PIK3R3: variants seen among roughly 807,000 people sequenced by gnomAD.
PIK3R3 encodes the protein phosphatidylinositol 3-kinase regulatory subunit gamma.
Under a neutral mutation model 62.9 loss-of-function variants are expected in PIK3R3, and 64 were observed. That is an observed-to-expected ratio of 1.02 (90% CI 0.83 to 1.25). The LOEUF is 1.25. PIK3R3 is among the 50% of genes most tolerant of loss of function. PIK3R3 has a pLI of 0.00. For synonymous variants in PIK3R3, 165 were observed against 189.0 expected, an observed-to-expected ratio of 0.87 and a Z score of 1.04; for missense variants, 614 against 561.6, an observed-to-expected ratio of 1.09 and a Z score of -0.94.
rs765790132 is a variant in PIK3R3, at chr1:46,055,939, C to T, written c.797G>A (p.Arg266His). 60 of 1,597,940 alleles carry T rather than the reference C, an allele frequency of 3.8e-5. No homozygotes were observed. The highest frequency in any genetic ancestry group is 1.7e-4 in the Middle Eastern group (1 of 5,996). ...IMMNYDKLKS[R>H]LGEIHDSKMR... ...TTTGCTATCATGAATCTCACCCAGA[C>T]GTGATTTCAATTTATCATAATTCAT... is the stretch of plus-strand genomic sequence containing the variant. The change falls in exon 7 of 10, where the codon CGT becomes CAT. Residue 266 changes from arginine (R) to histidine (H), a missense_variant. Coordinates refer to ENST00000262741, the MANE Select transcript of PIK3R3 (RefSeq NM_003629.4).
chr1:46,172,532 AT>A, the PIK3R3 span, among the ~76,000 whole-genome samples: 8 of 152,130 alleles, frequency 5.3e-5, no homozygotes, highest in African/African-American at 9.7e-5. Flanking sequence ...TACAAAAAAA[AT>A]GTTTTAATTA....
intron 1 of PIK3R3, among the ~76,000 whole-genome samples, chr1:46,098,356 C>T (rs1272927437): frequency 1.3e-5 from 2 of 152,138 alleles, no homozygotes; most frequent in Admixed American, 6.6e-5. Flanking sequence ...TACATGTATA[C>T]GCAACAGAAC....
intron 1 of PIK3R3, among the ~76,000 whole-genome samples, chr1:46,092,862 T>C (rs575117634): frequency 8.9e-4 from 135 of 152,282 alleles, no homozygotes; most frequent in Non-Finnish European, 1.6e-3. Flanking sequence ...TTTGCTCTCT[T>C]ATCCTCCCAC....
the PIK3R3 span, among the ~76,000 whole-genome samples, chr1:46,152,547 C>G: frequency 2.0e-5 from 3 of 150,922 alleles, no homozygotes; most frequent in Non-Finnish European, 4.4e-5. Flanking sequence ...TTGGATTGTA[C>G]GCTGATTAAC....
intron 6 of PIK3R3, 114 bp from the exon 7 acceptor site, chr1:46,056,085 C>G (rs1647881675): frequency 1.5e-6 from 1 of 645,960 alleles, no homozygotes; most frequent in African/African-American, 1.9e-5. Context: ...GAGTCTCGCT[C>G]TGTCACCCAG....
At chr1:46,146,407 T>G in the PIK3R3 span, among the ~76,000 whole-genome samples, 1 of 152,184 alleles carries the variant, frequency 6.6e-6, no homozygotes, top group South Asian at 2.1e-4. Context: ...TTGAACTTAA[T>G]AGGCAGCCAC....
chr1:46,147,386 T>G, the PIK3R3 span, among the ~76,000 whole-genome samples: 4 of 152,194 alleles, frequency 2.6e-5, no homozygotes, highest in South Asian at 8.3e-4. Flanking sequence ...ATTACAGGCG[T>G]GAGCCACCAC....
chr1:46,148,217 C>A, the PIK3R3 span, among the ~76,000 whole-genome samples: 1 of 152,160 alleles, frequency 6.6e-6, no homozygotes, highest in Non-Finnish European at 1.5e-5. Flanking sequence ...TCCATATGGT[C>A]CAGTATCACT....
chr1:46,094,068 CAA>C (rs1021764796), intron 1 of PIK3R3, among the ~76,000 whole-genome samples: 9 of 117,438 alleles, frequency 7.7e-5, no homozygotes, highest in Non-Finnish European at 9.0e-5. Flanking sequence ...GACCCTGTCT[CAA>C]AAAAAAAAAA....
chr1:46,084,219 C>T (rs372807375), intron 1 of PIK3R3, among the ~76,000 whole-genome samples: 4 of 152,120 alleles, frequency 2.6e-5, no homozygotes, highest in African/African-American at 4.8e-5. Flanking sequence ...TCTATAGAGA[C>T]GGAAAGTAAA....
chr1:46,092,306 C>T (rs543330125), intron 1 of PIK3R3, among the ~76,000 whole-genome samples: 1 of 152,304 alleles, frequency 6.6e-6, no homozygotes, highest in Non-Finnish European at 1.5e-5. Flanking sequence ...TGGTATAAAA[C>T]TAGAATAAGA....
chr1:46,130,278 A>C (rs552268572), intron 1 of PIK3R3, among the ~76,000 whole-genome samples: 2 of 152,202 alleles, frequency 1.3e-5, no homozygotes, highest in Non-Finnish European at 2.9e-5. Flanking sequence ...TTTTTACAAT[A>C]AAAGTACCAG....
chr1:46,135,074 G>C (rs1201944681), upstream of PIK3R3, among the ~76,000 whole-genome samples: 1 of 152,182 alleles, frequency 6.6e-6, no homozygotes, highest in African/African-American at 2.4e-5. Flanking sequence ...TTAAACCAGT[G>C]CCCTGCCATG....
At chr1:46,071,952 C>T (rs757468241) in intron 3 of PIK3R3, among the ~76,000 whole-genome samples, 15 of 151,794 alleles carry the variant, frequency 9.9e-5, no homozygotes, top group Non-Finnish European at 1.9e-4. Context: ...AACAGGACTA[C>T]ATCTCACAGA....
At chr1:46,093,586 A>C (rs1282446326) in intron 1 of PIK3R3, among the ~76,000 whole-genome samples, 2 of 152,084 alleles carry the variant, frequency 1.3e-5, no homozygotes, top group Admixed American at 1.3e-4. Flanking sequence ...TAAGAACATA[A>C]ATTATTATGT....
At chr1:46,060,521 A>C (rs1336891208) in intron 6 of PIK3R3, among the ~76,000 whole-genome samples, 1 of 152,240 alleles carries the variant, frequency 6.6e-6, no homozygotes, top group Non-Finnish European at 1.5e-5. Context: ...TCATTTACTG[A>C]AAGCACATCA....
intron 3 of PIK3R3, among the ~76,000 whole-genome samples, chr1:46,071,665 T>C (rs1335319720): frequency 8.0e-6 from 1 of 125,262 alleles, no homozygotes; most frequent in African/African-American, 3.1e-5. Context: ...CATTACACTC[T>C]AGCCTGAGCA....
chr1:46,145,123 C>CA, the PIK3R3 span, among the ~76,000 whole-genome samples: 2,747 of 78,462 alleles, frequency 0.035, 98 homozygotes, highest in East Asian at 0.22. Context: ...AACTCCACCT[C>CA]AAAAAAAAAA....
rs1419542820 is a variant in PIK3R3 at position 46,077,578 on chromosome 1, T to G, written c.251A>C (p.Asp84Ala). 2.5e-6 allele frequency: 4 copies of G among 1,612,068 alleles called. No individual in the cohort carries two copies. The East Asian group carries it at 6.7e-5, about 27-fold the overall frequency. The change falls in exon 3 of 10, where the codon GAT becomes GCT. Residue 84 changes from aspartate to alanine, a missense_variant. By Grantham distance (126) the Asp-to-Ala change is moderately radical (BLOSUM62 -2). Coordinates refer to ENST00000262741, the MANE Select transcript of PIK3R3 (RefSeq NM_003629.4). ...EVNDKLRDMP[D>A]GTFLVRDAST... Reference sequence around the variant, plus strand: ...GGCATCTCGGACCAAGAAGGTCCCATCTGGCATATCCCGCAATTTGTCATT... The same window carrying G: ...GGCATCTCGGACCAAGAAGGTCCCAGCTGGCATATCCCGCAATTTGTCATT...
Sources: gnomAD v4.1 joint callset for allele counts (sites outside exome capture counted in the v4.1 genomes callset) on GRCh38, gnomAD v4.1.1 for gene constraint, MANE v1.5 for transcripts, NCBI Gene and HGNC (gene_info 2026-07-23, HGNC 2026-07-21) for gene names.